PCDH9: variants seen among roughly 807,000 people sequenced by gnomAD.
The protein encoded by PCDH9 is protocadherin 9.
A neutral mutation model predicts 70.6 loss-of-function variants in PCDH9; 24 were observed. The ratio of observed to expected loss-of-function variants is 0.34; its 90% CI spans 0.25 to 0.48. The LOEUF (loss-of-function observed/expected upper bound fraction) is 0.48, where lower values mean the gene tolerates loss of function less well. Ranked by LOEUF, PCDH9 falls within the 20% of genes least tolerant of loss-of-function variation. PCDH9 has a pLI of 0.99. For missense variants in PCDH9, 1,281 were observed against 1,503.6 expected (o/e 0.85, Z 2.45); for synonymous variants, 562 against 558.5 (o/e 1.01, Z -0.09).
intron 4 of PCDH9, among the ~76,000 whole-genome samples, chr13:66,364,600 C>T (rs1956523477): frequency 6.6e-6 from 1 of 152,118 alleles, no homozygotes; most frequent in South Asian, 2.1e-4. Flanking sequence ...TTTCTACCCA[C>T]TGCATTAAGT....
chr13:66,413,549 G>A (rs1360049809), intron 4 of PCDH9, among the ~76,000 whole-genome samples: 2 of 152,090 alleles, frequency 1.3e-5, no homozygotes, highest in South Asian at 2.1e-4. Context: ...AGCCGGGCAT[G>A]GTGGTGGGCG....
At chr13:66,824,882 T>G (rs2080790638) in intron 3 of PCDH9, among the ~76,000 whole-genome samples, 2 of 151,614 alleles carry the variant, frequency 1.3e-5, no homozygotes, top group Admixed American at 1.3e-4. Context: ...TCTAAAAGAC[T>G]CTATCCTCAT....
chr13:66,980,726 C>CTTTT (rs1327800250), intron 2 of PCDH9, among the ~76,000 whole-genome samples: 14 of 33,362 alleles, frequency 4.2e-4, no homozygotes, highest in Non-Finnish European at 6.8e-4. Flanking sequence ...CTGTTTTTTT[C>CTTTT]TTTGTTTTTT....
chr13:66,594,177 A>G (rs1426415841), intron 4 of PCDH9, among the ~76,000 whole-genome samples: 1 of 151,782 alleles, frequency 6.6e-6, no homozygotes, highest in Non-Finnish European at 1.5e-5. Context: ...ATATGAGGGC[A>G]CAGAGATGAA....
intron 4 of PCDH9, among the ~76,000 whole-genome samples, chr13:66,567,502 G>A (rs1171125929): frequency 6.6e-6 from 1 of 151,932 alleles, no homozygotes; most frequent in Admixed American, 6.6e-5. Flanking sequence ...AAATCCATCT[G>A]TCTGCTAATA....
intron 3 of PCDH9, among the ~76,000 whole-genome samples, chr13:66,889,451 T>C (rs949781029): frequency 2.6e-5 from 4 of 152,190 alleles, no homozygotes; most frequent in South Asian, 4.1e-4. Context: ...GTATTTGTGT[T>C]AATTGATTGC....
intron 2 of PCDH9, among the ~76,000 whole-genome samples, chr13:66,931,889 T>C (rs2082816339): frequency 6.6e-6 from 1 of 152,062 alleles, no homozygotes; most frequent in Non-Finnish European, 1.5e-5. Context: ...ATGGAGTGGC[T>C]GAGAAAATTT....
chr13:66,610,018 C>T (rs1039702432), intron 4 of PCDH9, among the ~76,000 whole-genome samples: 5 of 139,678 alleles, frequency 3.6e-5, no homozygotes, highest in East Asian at 2.1e-4. Flanking sequence ...AGTGCAGTGG[C>T]GAGATCTCGG....
chr13:66,564,974 A>G (rs2076632254), intron 4 of PCDH9, among the ~76,000 whole-genome samples: 1 of 152,028 alleles, frequency 6.6e-6, no homozygotes, highest in African/African-American at 2.4e-5. Flanking sequence ...GATAGACATC[A>G]TGGGGAGAAT....
intron 4 of PCDH9, among the ~76,000 whole-genome samples, chr13:66,580,867 C>A (rs1292062137): frequency 1.3e-5 from 2 of 152,156 alleles, no homozygotes; most frequent in African/African-American, 4.8e-5. Flanking sequence ...TAACTGAGAA[C>A]AATCTGAACA....
At chr13:66,793,796 T>C (rs2080197819) in intron 3 of PCDH9, among the ~76,000 whole-genome samples, 1 of 152,216 alleles carries the variant, frequency 6.6e-6, no homozygotes, top group Middle Eastern at 3.2e-3. Flanking sequence ...TTATTTTCAT[T>C]GGCTTCTAAA....
chr13:66,509,954 T>C (rs1268813728), intron 4 of PCDH9, among the ~76,000 whole-genome samples: 2 of 152,240 alleles, frequency 1.3e-5, no homozygotes, highest in Non-Finnish European at 2.9e-5. Flanking sequence ...GACTAGAATT[T>C]GATTTTCACA....
chr13:66,652,071 G>A (rs769784010), intron 3 of PCDH9, among the ~76,000 whole-genome samples: 10 of 151,950 alleles, frequency 6.6e-5, no homozygotes, highest in South Asian at 2.1e-4. Flanking sequence ...GGAGAAAACC[G>A]AAAACCTTTC....
At chr13:66,499,146 AT>A (rs1209591136) in intron 4 of PCDH9, among the ~76,000 whole-genome samples, 7 of 152,088 alleles carry the variant, frequency 4.6e-5, no homozygotes, top group Non-Finnish European at 1.0e-4. Flanking sequence ...TACCCTATGT[AT>A]TTTCAGCTAG....
chr13:66,866,921 T>C (rs2081586608), intron 3 of PCDH9, among the ~76,000 whole-genome samples: 1 of 152,162 alleles, frequency 6.6e-6, no homozygotes, highest in Admixed American at 6.5e-5. Context: ...AAAGCACAAT[T>C]CTTCTAACAA....
chr13:66,627,395 A>C (rs1268112777), intron 4 of PCDH9, among the ~76,000 whole-genome samples: 1 of 152,204 alleles, frequency 6.6e-6, no homozygotes, highest in African/African-American at 2.4e-5. Flanking sequence ...AAAGTTAATT[A>C]CCAAAAATGT....
At chr13:66,858,345 C>T (rs745824644) in intron 3 of PCDH9, among the ~76,000 whole-genome samples, 4 of 152,066 alleles carry the variant, frequency 2.6e-5, no homozygotes, top group Non-Finnish European at 5.9e-5. Flanking sequence ...GCTTAAATTA[C>T]GTCATTGTTC....
chr13:67,161,457 T>C (rs763112755), intron 2 of PCDH9, among the ~76,000 whole-genome samples: 1 of 152,220 alleles, frequency 6.6e-6, no homozygotes, highest in Non-Finnish European at 1.5e-5. Context: ...TAGCACCCTC[T>C]GATTTCAGCC....
chr13:66,506,140 C>T lies in PCDH9; in HGVS notation c.3340+125070G>A, dbSNP rs550889234. Among the ~76,000 whole-genome samples the T allele has an allele frequency of 3.8e-4, 58 of 152,238 alleles. 1 individual carries two copies. The highest frequency in any genetic ancestry group is 1.8e-3 in the Admixed American group (28 of 15,286). ...AGAGGAAGGGCATCATGCTTCATTG[C>T]CTTCCTTATCCTTGTCAAGTAGATG... On this transcript the variant is annotated intron_variant, in intron 4 of 4. Transcript: ENST00000377865.
Sources: gnomAD v4.1 joint callset for allele counts (sites outside exome capture counted in the v4.1 genomes callset) on GRCh38, gnomAD v4.1.1 for gene constraint, MANE v1.5 for transcripts, NCBI Gene and HGNC (gene_info 2026-07-23, HGNC 2026-07-21) for gene names.